The following ABLIM3 variants were observed in gnomAD, a reference collection of about 807,000 sequenced individuals.
ABLIM3 encodes actin-binding LIM protein 3.
In ABLIM3, 61 loss-of-function variants were observed where a neutral mutation model predicts 109.5. The ratio of observed to expected loss-of-function variants is 0.56; its 90% CI spans 0.45 to 0.69. The LOEUF (loss-of-function observed/expected upper bound fraction) is 0.69, where lower values mean the gene tolerates loss of function less well. ABLIM3 is among the 30% of genes least tolerant of loss of function. The probability of loss-of-function intolerance (pLI) is 0.00; values close to 1 mark genes in which losing one functional copy is unlikely to be tolerated. For missense variants in ABLIM3, 796 were observed against 889.5 expected, an observed-to-expected ratio of 0.89 and a Z score of 1.34; for synonymous variants, 300 against 324.8, an observed-to-expected ratio of 0.92 and a Z score of 0.82.
chr5:149,179,608 A>AT (rs574522862), intron 2 of ABLIM3, among the ~76,000 whole-genome samples: 2,755 of 146,522 alleles, frequency 0.019, 60 homozygotes, highest in African/African-American at 0.052. Context: ...TAATTTGTAC[A>AT]TTTTTTTTTT....
rs1276665844 is a variant in ABLIM3, at chr5:149,236,289, G to A, written c.889-1159G>A. The stretch of plus-strand genomic sequence containing the variant: ...AGGGCTTTGGTAGGTTTTCAAAATA[G>A]CACAGCTTATAGGTATTTATGAATG... On this transcript the variant is annotated intron_variant, in intron 10 of 23. Coordinates refer to ENST00000309868, the MANE Select transcript of ABLIM3 (RefSeq NM_014945.5). Among the ~76,000 whole-genome samples, 7 of 152,176 alleles carry A rather than the reference G, an allele frequency of 4.6e-5. No homozygotes were observed. The South Asian group carries it at 6.2e-4, about 14-fold the overall frequency.
intron 2 of ABLIM3, among the ~76,000 whole-genome samples, chr5:149,143,453 C>T (rs1341777820): frequency 6.6e-6 from 1 of 151,646 alleles, no homozygotes; most frequent in Non-Finnish European, 1.5e-5. Flanking sequence ...GCAACAAGGC[C>T]AGAACTATCA....
intron 14 of ABLIM3, 101 bp downstream of exon 14, chr5:149,240,875 G>A: frequency 9.2e-7 from 1 of 1,082,404 alleles, no homozygotes; most frequent in Non-Finnish European, 1.4e-6. Flanking sequence ...CCAAGAAGCT[G>A]GTTCCTGAGG....
intron 2 of ABLIM3, among the ~76,000 whole-genome samples, chr5:149,175,021 G>A (rs1755795176): frequency 6.6e-6 from 1 of 152,184 alleles, no homozygotes. Flanking sequence ...CTGACTGGGG[G>A]CTTTGTAAAG....
intron 7 of ABLIM3, among the ~76,000 whole-genome samples, chr5:149,214,052 C>T (rs1759819227): frequency 6.6e-6 from 1 of 152,160 alleles, no homozygotes; most frequent in Non-Finnish European, 1.5e-5. Context: ...ATAGACATGG[C>T]TGCAGTAAAA....
intron 22 of ABLIM3, chr5:149,252,515 A>C: frequency 1.8e-6 from 1 of 552,806 alleles, no homozygotes; most frequent in South Asian, 2.6e-5. Context: ...TTCCATGGGC[A>C]CATGGCAAAT....
chr5:149,251,529 G>A, intron 21 of ABLIM3, 110 bp downstream of exon 21: 1 of 1,286,476 alleles, frequency 7.8e-7, no homozygotes, highest in South Asian at 1.3e-5. Context: ...TCCCCACGCT[G>A]GGCTGTGTCC....
rs112982472 is a variant in ABLIM3, at chr5:149,207,314, T to G, written c.575+180T>G. On this transcript the variant is annotated intron_variant, in intron 6 of 23. Coordinates refer to ENST00000309868, the MANE Select transcript of ABLIM3 (RefSeq NM_014945.5). ...CCCCCGTTGGACCCTCCCGGGGGGG[T>G]TTCCCTCTGCCTGAGACACCCTCCC... is the stretch of plus-strand genomic sequence containing the variant. 9.7e-3 allele frequency among the ~76,000 whole-genome samples: 1,473 copies of G among 151,604 alleles called. 16 individuals are homozygous for G. The highest frequency in any genetic ancestry group is 0.034 in the African/African-American group (1,409 of 41,302).
At chr5:149,237,707 C>A in intron 11 of ABLIM3, 104 bp downstream of exon 11, 1 of 1,441,076 alleles carries the variant, frequency 6.9e-7, no homozygotes, top group South Asian at 1.4e-5. Context: ...ACAATGCTGG[C>A]TCCCAGACTC....
chr5:149,157,355 G>A (rs370416623), intron 2 of ABLIM3, among the ~76,000 whole-genome samples: 3 of 152,074 alleles, frequency 2.0e-5, no homozygotes, highest in African/African-American at 2.4e-5. Flanking sequence ...CTTTGCTCCC[G>A]ATTCACATTT....
chr5:149,256,088 G>A (rs575414452), intron 23 of ABLIM3, among the ~76,000 whole-genome samples: 1 of 152,290 alleles, frequency 6.6e-6, no homozygotes, highest in South Asian at 2.1e-4. Context: ...AATGTCAGAT[G>A]GACAGTAGTG....
Position 149,259,361 on chromosome 5 carries a change from T to C in ABLIM3, c.*957T>C. ...ACAACTCAACACACCGCAGGGCTAA[T>C]GTTCCCACCAGAGCTCCAACTGAAC... On this transcript the variant is annotated 3_prime_UTR_variant, in exon 24 of 24. Coordinates refer to ENST00000309868, the MANE Select transcript of ABLIM3 (RefSeq NM_014945.5). 1 of 1,452,846 alleles carries C rather than the reference T, an allele frequency of 6.9e-7. No individual in the cohort carries two copies. Among genetic ancestry groups the C allele is most frequent in the African/African-American group, 1.4e-5 (1 of 70,522 alleles). The allele number at this position is 1,452,846 out of a possible 1,614,324, so 90.0% of individuals were successfully genotyped here. A position where few individuals can be genotyped will look rare whatever the true frequency, so the allele number is the denominator to read the frequency against.
chr5:149,203,772 A>G (rs1283002824), intron 5 of ABLIM3, among the ~76,000 whole-genome samples: 1 of 152,218 alleles, frequency 6.6e-6, no homozygotes, highest in African/African-American at 2.4e-5. Flanking sequence ...CAATATCAGC[A>G]TCACCACCAC....
chr5:149,203,460 C>T (rs1456654042), intron 5 of ABLIM3, among the ~76,000 whole-genome samples: 1 of 152,114 alleles, frequency 6.6e-6, no homozygotes, highest in Non-Finnish European at 1.5e-5. Context: ...TCTCCACCAT[C>T]GTCACCATCA....
rs751922577 is a variant in ABLIM3, at chr5:149,235,445, T to C, written c.889-2003T>C. On this transcript the variant is annotated intron_variant, in intron 10 of 23. Transcript: ENST00000309868. The stretch of plus-strand genomic sequence containing the variant: ...CTTCAGGTGGTTTGGCTTTGACCCA[T>C]GTGTTCTCTTCCTTCCTTCCTGGCT... Among the ~76,000 whole-genome samples the C allele has an allele frequency of 2.0e-5, 3 of 152,242 alleles. No homozygotes were observed. In the South Asian group the frequency reaches 6.2e-4, roughly 32 times the overall value.
At position 149,239,907 on chromosome 5, in the gene ABLIM3, C is replaced by T. The variant is rs891562941; in HGVS notation, c.1204+19C>T. 2.5e-6 allele frequency: 4 copies of T among 1,589,198 alleles called. No individual in the cohort carries two copies. The highest frequency in any genetic ancestry group is 1.8e-5 in the Admixed American group (1 of 56,422). On this transcript the variant is annotated intron_variant, in intron 13 of 23. Coordinates refer to ENST00000309868, the MANE Select transcript of ABLIM3 (RefSeq NM_014945.5). The stretch of plus-strand genomic sequence containing the variant: ...CGCTCTGGTAAGGAAGGGGGAGGAC[C>T]TGAAGGGAGAGGAAGAGCCAGGGAG...
intron 2 of ABLIM3, among the ~76,000 whole-genome samples, chr5:149,158,358 A>G (rs1239081095): frequency 6.6e-6 from 1 of 152,204 alleles, no homozygotes; most frequent in Non-Finnish European, 1.5e-5. Flanking sequence ...TGTTTGAAAA[A>G]AGTTAATATG....
At chr5:149,216,840 C>A (rs1249128070) in intron 7 of ABLIM3, 119 bp from the exon 8 acceptor site, 2 of 905,556 alleles carry the variant, frequency 2.2e-6, no homozygotes, top group Admixed American at 4.1e-5. Flanking sequence ...CTCCAACCAA[C>A]TTTAGGGCCA....
intron 3 of ABLIM3, among the ~76,000 whole-genome samples, chr5:149,183,971 G>GTTT (rs11407929): frequency 1.0e-4 from 15 of 144,706 alleles, no homozygotes; most frequent in African/African-American, 2.5e-4. Flanking sequence ...TTGTTTTTTG[G>GTTT]TTTTTTTTTT....
Sources: gnomAD v4.1 joint callset for allele counts (sites outside exome capture counted in the v4.1 genomes callset) on GRCh38, gnomAD v4.1.1 for gene constraint, MANE v1.5 for transcripts, NCBI Gene and HGNC (gene_info 2026-07-23, HGNC 2026-07-21) for gene names.